The following MBD5 variants were observed in gnomAD, a reference collection of about 807,000 sequenced individuals.
MBD5 encodes the protein methyl-CpG-binding domain protein 5.
In MBD5, 13 loss-of-function variants were observed where a neutral mutation model predicts 117.3. That is an observed-to-expected ratio of 0.11 (90% CI 0.07 to 0.18). MBD5 has a LOEUF of 0.18. Among genes scored for constraint, MBD5 ranks in the 10% least tolerant of loss-of-function variants. The pLI is 1.00. For missense variants in MBD5, 1,879 were observed against 2,093.8 expected (o/e 0.90, Z 2.00); for synonymous variants, 727 against 766.4 (o/e 0.95, Z 0.85).
chr2:148,095,209 T>C (rs1416307796), intron 1 of MBD5, among the ~76,000 whole-genome samples: 1 of 152,178 alleles, frequency 6.6e-6, no homozygotes, highest in African/African-American at 2.4e-5. Context: ...TGTTACTTGT[T>C]ATAAAAATGC....
At chr2:148,190,985 C>A (rs1698811441) in intron 2 of MBD5, among the ~76,000 whole-genome samples, 1 of 149,842 alleles carries the variant, frequency 6.7e-6, no homozygotes, top group Admixed American at 6.7e-5. Context: ...GACTTTAAAC[C>A]AACACAGATC....
At chr2:148,463,626 G>T in intron 6 of MBD5, 113 bp from the exon 7 acceptor site, 1 of 1,311,158 alleles carries the variant, frequency 7.6e-7, no homozygotes. Flanking sequence ...ACTTGAGAAA[G>T]TTTTATTCAG....
intron 3 of MBD5, among the ~76,000 whole-genome samples, chr2:148,322,159 G>T (rs1702298659): frequency 6.6e-6 from 1 of 152,206 alleles, no homozygotes. Context: ...AGTGTAAAGT[G>T]ATATGTATTC....
intron 3 of MBD5, among the ~76,000 whole-genome samples, chr2:148,280,146 A>AAC (rs1553493546): frequency 7.3e-5 from 11 of 150,526 alleles, no homozygotes; most frequent in South Asian, 2.1e-4. Flanking sequence ...AAAAAAAAAA[A>AAC]AAAACAAAAA....
chr2:148,506,474 A>G (rs4972280), intron 12 of MBD5, among the ~76,000 whole-genome samples: 12,443 of 152,234 alleles, frequency 0.082, 949 homozygotes, highest in African/African-American at 0.2. Context: ...TACATTCCCC[A>G]TGGATTCAGT....
At chr2:148,079,062 C>G (rs1695577760) in intron 1 of MBD5, among the ~76,000 whole-genome samples, 1 of 152,170 alleles carries the variant, frequency 6.6e-6, no homozygotes, top group African/African-American at 2.4e-5. Flanking sequence ...AGCTTTATAG[C>G]TTCCCTGTCT....
At chr2:148,142,470 T>C (rs1199646569) in intron 1 of MBD5, among the ~76,000 whole-genome samples, 1 of 152,162 alleles carries the variant, frequency 6.6e-6, no homozygotes, top group African/African-American at 2.4e-5. Context: ...TTTTATTACA[T>C]AGAATTCTAT....
chr2:148,407,459 T>C (rs1209869021), intron 4 of MBD5, among the ~76,000 whole-genome samples: 1 of 151,968 alleles, frequency 6.6e-6, no homozygotes, highest in Non-Finnish European at 1.5e-5. Context: ...AAAACATAAT[T>C]TATATAGTAG....
At chr2:148,322,155 A>AAGTGAT (rs1702298573) in intron 3 of MBD5, among the ~76,000 whole-genome samples, 1 of 152,212 alleles carries the variant, frequency 6.6e-6, no homozygotes, top group Non-Finnish European at 1.5e-5. Flanking sequence ...CTACAGTGTA[A>AAGTGAT]AGTGATATGT....
At chr2:148,308,752 G>A (rs1414230474) in intron 3 of MBD5, among the ~76,000 whole-genome samples, 1 of 151,932 alleles carries the variant, frequency 6.6e-6, no homozygotes, top group Non-Finnish European at 1.5e-5. Flanking sequence ...GAATGGTATT[G>A]CATAGGTTTT....
At chr2:148,156,928 C>G (rs527628421) in intron 1 of MBD5, among the ~76,000 whole-genome samples, 1 of 152,288 alleles carries the variant, frequency 6.6e-6, no homozygotes, top group Admixed American at 6.5e-5. Context: ...TGCTCCTCTT[C>G]CATAGCTAGC....
chr2:148,170,836 G>A (rs1317691286), intron 1 of MBD5, among the ~76,000 whole-genome samples: 3 of 152,126 alleles, frequency 2.0e-5, no homozygotes, highest in Non-Finnish European at 4.4e-5. Context: ...GAAACAGAAT[G>A]GATCATAAGA....
At chr2:148,438,778 G>T (rs961224019) in intron 4 of MBD5, among the ~76,000 whole-genome samples, 11 of 152,108 alleles carry the variant, frequency 7.2e-5, no homozygotes, top group African/African-American at 2.7e-4. Context: ...GTCCAAAGCA[G>T]CAAAAGAAAT....
At chr2:148,505,525 A>G (rs1271872524) in intron 12 of MBD5, among the ~76,000 whole-genome samples, 1 of 152,202 alleles carries the variant, frequency 6.6e-6, no homozygotes, top group Non-Finnish European at 1.5e-5. Flanking sequence ...CAGTAAGACA[A>G]GAACTGAAAA....
intron 3 of MBD5, among the ~76,000 whole-genome samples, chr2:148,314,412 C>A (rs746139091): frequency 6.4e-4 from 83 of 129,318 alleles, no homozygotes; most frequent in Non-Finnish European, 1.1e-3. Flanking sequence ...GAGTCTCACT[C>A]TGTTGCCCAG....
intron 1 of MBD5, among the ~76,000 whole-genome samples, chr2:148,108,417 T>G (rs1046947732): frequency 6.6e-6 from 1 of 152,156 alleles, no homozygotes; most frequent in Non-Finnish European, 1.5e-5. Context: ...TATAAATGTT[T>G]GCTACTGTTA....
intron 4 of MBD5, among the ~76,000 whole-genome samples, chr2:148,381,903 A>G (rs1369023523): frequency 5.3e-5 from 8 of 152,174 alleles, no homozygotes; most frequent in African/African-American, 1.9e-4. Flanking sequence ...CAGACAAGCA[A>G]ATGCTGAGAG....
At chr2:148,189,029 G>A (rs1253844111) in intron 2 of MBD5, among the ~76,000 whole-genome samples, 1 of 146,570 alleles carries the variant, frequency 6.8e-6, no homozygotes, top group South Asian at 2.3e-4. Context: ...ACTCCCACCC[G>A]AATATTGCGC....
chr2:148,332,983 T>A (rs369351192), intron 3 of MBD5, among the ~76,000 whole-genome samples: 1 of 152,182 alleles, frequency 6.6e-6, no homozygotes, highest in Non-Finnish European at 1.5e-5. Context: ...GTGTCTTTAC[T>A]TGCAGGGAGA....
Sources: allele counts gnomAD v4.1 joint callset (sites outside exome capture counted in the v4.1 genomes callset), GRCh38; gene constraint gnomAD v4.1.1; transcripts MANE v1.5; gene names NCBI Gene and HGNC (gene_info 2026-07-23, HGNC 2026-07-21).